EML1: variants seen among roughly 807,000 people sequenced by gnomAD.
EML1 encodes the protein echinoderm microtubule-associated protein-like 1.
A neutral mutation model predicts 110.4 loss-of-function variants in EML1; 27 were observed. The ratio of observed to expected loss-of-function variants is 0.24; its 90% confidence interval spans 0.18 to 0.34. EML1 has a LOEUF of 0.34. EML1 is among the 10% of genes least tolerant of loss of function. The pLI is 1.00. For synonymous variants in EML1, 344 were observed against 385.8 expected (o/e 0.89, Z 1.27); for missense variants, 741 against 1,030.9 (o/e 0.72, Z 3.85).
chr14:99,939,482 C>A lies in EML1; in HGVS notation c.2322+155C>A, dbSNP rs893674785. ...TCTTTGCGCCCTGAGCACTTCCAGC[C>A]GCCCTTAGGGAAACCCCAAGCCCCA... On this transcript the variant is annotated intron_variant, in intron 21 of 21. Coordinates refer to ENST00000262233, the MANE Select transcript of EML1 (RefSeq NM_004434.3). This position sits in a 1 kb window ranked among gnomAD's most constrained non-coding sequence, Gnocchi z 4.2. Among the ~76,000 whole-genome samples, 2 of 152,158 alleles carry A rather than the reference C, an allele frequency of 1.3e-5. No individual in the cohort carries two copies. Among genetic ancestry groups the A allele is most frequent in the Admixed American group, 1.3e-4 (2 of 15,288 alleles).
chr14:99,923,766 T>C (rs1031446900), intron 17 of EML1, among the ~76,000 whole-genome samples: 7 of 152,278 alleles, frequency 4.6e-5, no homozygotes, highest in African/African-American at 1.7e-4. Context: ...TCCTACTATA[T>C]GTAAAATTGT....
intron 1 of EML1, among the ~76,000 whole-genome samples, chr14:99,826,579 G>C (rs1460091934): frequency 6.6e-6 from 1 of 152,110 alleles, no homozygotes; most frequent in Non-Finnish European, 1.5e-5. Flanking sequence ...GCCTTCTGCA[G>C]TTCCCCATGG....
At chr14:99,861,005 T>C (rs75812063) in intron 2 of EML1, among the ~76,000 whole-genome samples, 3,017 of 151,890 alleles carry the variant, frequency 0.02, 104 homozygotes, top group African/African-American at 0.07. Flanking sequence ...CTATTTCTTC[T>C]TTTGAGAAAA....
At chr14:99,805,392 C>G (rs978304822) in intron 1 of EML1, among the ~76,000 whole-genome samples, 2 of 152,216 alleles carry the variant, frequency 1.3e-5, no homozygotes, top group African/African-American at 2.4e-5. Flanking sequence ...GAAACTCTTC[C>G]GTCTTTCTGT....
intron 1 of EML1, among the ~76,000 whole-genome samples, chr14:99,741,805 T>C (rs1198322070): frequency 6.6e-6 from 1 of 152,150 alleles, no homozygotes; most frequent in Non-Finnish European, 1.5e-5. Context: ...TGGGGGGGCC[T>C]GGCGTGGTGT....
chr14:99,935,975 C>T (rs1042376953), intron 17 of EML1, 54 bp from the exon 18 acceptor site: 18 of 1,538,830 alleles, frequency 1.2e-5, no homozygotes, highest in African/African-American at 4.2e-5. Flanking sequence ...TCCTTTGTAA[C>T]GAACAAAATG....
At chr14:99,906,168 G>A (rs1217353175) in intron 9 of EML1, among the ~76,000 whole-genome samples, 1 of 152,136 alleles carries the variant, frequency 6.6e-6, no homozygotes, top group Non-Finnish European at 1.5e-5. Context: ...GGTTTCCTCA[G>A]TGTCATCGCT....
At chr14:99,747,399 G>A (rs928564434) in intron 1 of EML1, among the ~76,000 whole-genome samples, 3 of 152,014 alleles carry the variant, frequency 2.0e-5, no homozygotes, top group African/African-American at 7.2e-5. Context: ...GGCACATTTG[G>A]GGAATGGCAG....
chr14:99,844,494 AT>A (rs2058678893), intron 1 of EML1, among the ~76,000 whole-genome samples: 2 of 141,974 alleles, frequency 1.4e-5, no homozygotes, highest in African/African-American at 2.6e-5. Context: ...AAAAAAAAAA[AT>A]TGGCAAAACC....
chr14:99,937,102 G>A (rs1453133137), intron 19 of EML1, among the ~76,000 whole-genome samples: 3 of 152,168 alleles, frequency 2.0e-5, no homozygotes. Flanking sequence ...AAGAGCCCAC[G>A]GGGGTGGGCG....
chr14:99,938,865 A>C (rs1327190715), intron 20 of EML1, among the ~76,000 whole-genome samples: 2 of 152,238 alleles, frequency 1.3e-5, no homozygotes, highest in African/African-American at 4.8e-5. Context: ...TTCAGAGATC[A>C]AGGAGAGGTG....
intron 17 of EML1, among the ~76,000 whole-genome samples, chr14:99,933,727 C>T (rs2060415964): frequency 1.3e-5 from 2 of 152,152 alleles, no homozygotes; most frequent in Admixed American, 6.5e-5. Context: ...GAGGTTGTTA[C>T]GAAGATACGA....
At chr14:99,857,270 C>CA (rs560105865) in intron 2 of EML1, among the ~76,000 whole-genome samples, 3,379 of 142,550 alleles carry the variant, frequency 0.024, 60 homozygotes, top group African/African-American at 0.049. Context: ...GACTCTGTCT[C>CA]AAAAAAAAAA....
Position 99,872,014 on chromosome 14 carries a change from C to T in EML1, c.383+6368C>T, listed in dbSNP as rs536828275. ...CCCTGACATCTGCTCAGGAAAAACG[C>T]TTGATATAATGACTGCTTGCAAATC... On this transcript the variant is annotated intron_variant, in intron 3 of 21. Transcript: ENST00000262233. Among the ~76,000 whole-genome samples, 9 of 152,300 alleles carry T rather than the reference C, an allele frequency of 5.9e-5. No individual in the cohort carries two copies. The South Asian group carries it at 1.7e-3, about 28-fold the overall frequency.
At chr14:99,829,970 G>C (rs925117454) in intron 1 of EML1, among the ~76,000 whole-genome samples, 1 of 152,182 alleles carries the variant, frequency 6.6e-6, no homozygotes, top group African/African-American at 2.4e-5. Context: ...TGAAATACCT[G>C]TTCAAGCCTC....
chr14:99,900,154 G>T (rs2059737032), intron 8 of EML1, among the ~76,000 whole-genome samples: 1 of 149,250 alleles, frequency 6.7e-6, no homozygotes, highest in African/African-American at 2.5e-5. Context: ...CATAATTGAT[G>T]CCTGTTTTGC....
At chr14:99,922,030 G>A (rs76184059) in intron 17 of EML1, among the ~76,000 whole-genome samples, 3,982 of 152,254 alleles carry the variant, frequency 0.026, 73 homozygotes, top group Middle Eastern at 0.044. Flanking sequence ...CTTCATTCAC[G>A]TAGAATGATG....
At chr14:99,937,703 C>A in intron 19 of EML1, 114 bp from the exon 20 acceptor site, 1 of 844,856 alleles carries the variant, frequency 1.2e-6, no homozygotes, top group Non-Finnish European at 1.9e-6. Flanking sequence ...TGGAAGGTCT[C>A]CCTCTCCAGG....
At chr14:99,776,300 C>T (rs1240667660) in intron 1 of EML1, among the ~76,000 whole-genome samples, 2 of 151,992 alleles carry the variant, frequency 1.3e-5, no homozygotes, top group Non-Finnish European at 1.5e-5. Context: ...GTCGGGAGCT[C>T]GAGACCAGCC....
Sources: gnomAD v4.1 joint callset for allele counts (sites outside exome capture counted in the v4.1 genomes callset) on GRCh38, gnomAD v4.1.1 for gene constraint, Gnocchi (gnomAD v3.1) non-coding constraint, MANE v1.5 for transcripts, NCBI Gene and HGNC (gene_info 2026-07-23, HGNC 2026-07-21) for gene names.